Variants in CNTN4 observed in about 807,000 individuals in gnomAD.
CNTN4 encodes contactin 4.
A neutral mutation model predicts 122.5 loss-of-function variants in CNTN4; 77 were observed. That is an observed-to-expected ratio of 0.63 (90% confidence interval 0.52 to 0.76). The LOEUF is 0.76. CNTN4 is among the 30% of genes least tolerant of loss of function. The pLI, the probability that CNTN4 is intolerant of heterozygous loss-of-function variation, is 0.00. For missense variants in CNTN4, 1,256 were observed against 1,259.1 expected, an observed-to-expected ratio of 1.00 and a Z score of 0.04; for synonymous variants, 512 against 447.0, an observed-to-expected ratio of 1.15 and a Z score of -1.83.
intron 23 of CNTN4, among the ~76,000 whole-genome samples, chr3:3,049,018 G>A (rs1700976201): frequency 6.6e-6 from 1 of 152,196 alleles, no homozygotes; most frequent in Non-Finnish European, 1.5e-5. Context: ...GTTCTGTTCA[G>A]TCCATTCAGA....
chr3:2,782,593 C>T (rs1022700089), intron 6 of CNTN4, among the ~76,000 whole-genome samples: 3 of 150,764 alleles, frequency 2.0e-5, no homozygotes, highest in African/African-American at 7.3e-5. Context: ...AGTCCCAGAA[C>T]ATTATAGCTG....
intron 3 of CNTN4, among the ~76,000 whole-genome samples, chr3:2,416,934 G>T (rs1034447961): frequency 3.3e-5 from 5 of 151,738 alleles, no homozygotes; most frequent in Non-Finnish European, 5.9e-5. Context: ...GATTACACGC[G>T]TGAGCCACCG....
intron 14 of CNTN4, among the ~76,000 whole-genome samples, chr3:2,995,176 G>A (rs1233451122): frequency 4.6e-5 from 7 of 151,928 alleles, no homozygotes; most frequent in Admixed American, 4.6e-4. Flanking sequence ...CCCTGGAGTT[G>A]GTACCAGCTA....
intron 4 of CNTN4, among the ~76,000 whole-genome samples, chr3:2,649,852 G>A (rs1446059101): frequency 1.3e-5 from 2 of 151,770 alleles, no homozygotes; most frequent in African/African-American, 4.8e-5. Context: ...TTTGTGGCTG[G>A]GCACGGTGGC....
chr3:2,916,470 T>C (rs533810087), intron 12 of CNTN4, among the ~76,000 whole-genome samples: 94 of 149,706 alleles, frequency 6.3e-4, no homozygotes, highest in Admixed American at 1.6e-3. Flanking sequence ...CTTAATCCAT[T>C]TAACCCTGAG....
chr3:2,205,762 A>C (rs905984621), intron 2 of CNTN4, among the ~76,000 whole-genome samples: 8 of 152,214 alleles, frequency 5.3e-5, no homozygotes, highest in African/African-American at 1.9e-4. Flanking sequence ...TGTTCCAGTA[A>C]AGTGACATGT....
At position 2,928,873 on chromosome 3, in the gene CNTN4, G is replaced by C. The variant is rs540596037; in HGVS notation, c.1358+3094G>C. Among the ~76,000 whole-genome samples, 264 of 152,280 alleles carry C rather than the reference G, an allele frequency of 1.7e-3. 1 individual carries two copies. The highest frequency in any genetic ancestry group is 6.0e-3 in the African/African-American group (248 of 41,560). ...AGGTTTTGTCTCATCTAACCATGTG[G>C]TGATATTGTAGTTAGCTAAGTGGAT... On this transcript the variant is annotated intron_variant, in intron 13 of 24. Transcript: ENST00000418658.
chr3:2,484,214 C>G (rs1231418549), intron 3 of CNTN4, among the ~76,000 whole-genome samples: 1 of 151,866 alleles, frequency 6.6e-6, no homozygotes, highest in East Asian at 1.9e-4. Flanking sequence ...TGCTACACAC[C>G]ATATGTCATC....
At chr3:2,571,645 A>G (rs572278259) in intron 4 of CNTN4, 87 bp downstream of exon 4, 2 of 962,088 alleles carry the variant, frequency 2.1e-6, no homozygotes, top group Non-Finnish European at 3.4e-6. Context: ...TTAGACGGCA[A>G]TGATAAAATC....
chr3:2,371,092 G>A (rs1025014306), intron 3 of CNTN4, among the ~76,000 whole-genome samples: 1 of 152,118 alleles, frequency 6.6e-6, no homozygotes, highest in African/African-American at 2.4e-5. Flanking sequence ...GTGTAGAATG[G>A]TTGCTGATCA....
intron 2 of CNTN4, among the ~76,000 whole-genome samples, chr3:2,119,261 G>A (rs1388868776): frequency 1.3e-5 from 2 of 152,112 alleles, no homozygotes; most frequent in African/African-American, 2.4e-5. Context: ...CCATAATCAC[G>A]TAAGCCAATT....
intron 6 of CNTN4, among the ~76,000 whole-genome samples, chr3:2,773,543 C>G (rs528998714): frequency 2.0e-5 from 3 of 152,112 alleles, no homozygotes; most frequent in Non-Finnish European, 4.4e-5. Flanking sequence ...AAAAGTAATG[C>G]ATGTAGGATT....
intron 2 of CNTN4, among the ~76,000 whole-genome samples, chr3:2,279,493 C>T (rs1009970600): frequency 6.6e-5 from 10 of 152,078 alleles, no homozygotes; most frequent in East Asian, 1.9e-4. Context: ...ATGACACGTG[C>T]GAGACATTCT....
intron 6 of CNTN4, among the ~76,000 whole-genome samples, chr3:2,748,717 T>C (rs1362198655): frequency 6.6e-6 from 1 of 152,242 alleles, no homozygotes; most frequent in Non-Finnish European, 1.5e-5. Flanking sequence ...GTATTGTTTC[T>C]GCAACATCCA....
intron 2 of CNTN4, among the ~76,000 whole-genome samples, chr3:2,201,047 T>A (rs1421454148): frequency 2.0e-5 from 3 of 152,102 alleles, no homozygotes; most frequent in Non-Finnish European, 4.4e-5. Flanking sequence ...CCCTGAGAAA[T>A]GCCAAGGGAA....
At chr3:2,290,103 C>G (rs1051387016) in intron 2 of CNTN4, among the ~76,000 whole-genome samples, 2 of 151,948 alleles carry the variant, frequency 1.3e-5, no homozygotes, top group African/African-American at 4.8e-5. Context: ...ATCTTTCTGC[C>G]CAAAATAACA....
chr3:2,785,895 G>GCCCCCCCCCCCCCCCCCCCCCCCCCCCC (rs149802098), intron 6 of CNTN4, among the ~76,000 whole-genome samples: 2 of 81,666 alleles, frequency 2.4e-5, no homozygotes, highest in African/African-American at 8.6e-5. Flanking sequence ...GGCCCACGCT[G>GCCCCCCCCCCCCCCCCCCCCCCCCCCCC]CCCCCCCCCG....
At chr3:2,584,496 G>T (rs938299747) in intron 4 of CNTN4, among the ~76,000 whole-genome samples, 13 of 152,066 alleles carry the variant, frequency 8.5e-5, no homozygotes, top group African/African-American at 3.1e-4. Context: ...CTGAGGCCAG[G>T]AGATCGAGAA....
chr3:2,742,961 T>G (rs2089542058), intron 5 of CNTN4, among the ~76,000 whole-genome samples: 1 of 152,210 alleles, frequency 6.6e-6, no homozygotes, highest in Non-Finnish European at 1.5e-5. Context: ...GAAAGCACTT[T>G]ATTTTCTAAA....
Sources: gnomAD v4.1 joint callset for allele counts (sites outside exome capture counted in the v4.1 genomes callset) on GRCh38, gnomAD v4.1.1 for gene constraint, MANE v1.5 for transcripts, NCBI Gene and HGNC (gene_info 2026-07-23, HGNC 2026-07-21) for gene names.